The following BRWD1 variants were observed in gnomAD, a reference collection of about 807,000 sequenced individuals.
The protein encoded by BRWD1 is bromodomain and WD repeat domain containing 1.
In BRWD1, 82 loss-of-function variants were observed where a neutral mutation model predicts 251.2. The observed-to-expected ratio is 0.33, with a 90% confidence interval of 0.27 to 0.39. BRWD1 has a LOEUF of 0.39. BRWD1 is among the 10% of genes least tolerant of loss of function. BRWD1 has a pLI of 1.00. For synonymous variants in BRWD1, 918 were observed against 902.8 expected (o/e 1.02, Z -0.30); for missense variants, 2,233 against 2,711.6 (o/e 0.82, Z 3.92).
At chr21:39,266,641 G>C (rs1188265563) in intron 15 of BRWD1, among the ~76,000 whole-genome samples, 2 of 152,190 alleles carry the variant, frequency 1.3e-5, no homozygotes, top group South Asian at 2.1e-4. Context: ...GGAGGACTTG[G>C]GGTTTCACTT....
chr21:39,286,016 C>CTTTTTT lies in BRWD1; in HGVS notation c.832-5774_832-5769dup, dbSNP rs57151774. Among the ~76,000 whole-genome samples the CTTTTTT allele has an allele frequency of 4.1e-4, 43 of 104,770 alleles. 3 individuals carry two copies. Among genetic ancestry groups the CTTTTTT allele is most frequent in the East Asian group, 7.5e-4 (3 of 4,006 alleles). 68.7% of individuals were successfully genotyped at this position (104,770 alleles called of 152,430 possible). A position where few individuals can be genotyped will look rare whatever the true frequency, so the allele number is the denominator to read the frequency against. On this transcript the variant is annotated intron_variant, in intron 8 of 40. Coordinates refer to ENST00000342449, the MANE Select transcript of BRWD1 (RefSeq NM_033656.4). ...CATAACATAAAACTCACCATATGAA[C>CTTTTTT]TTTTTTTTTTTTTTTGAGTCAAGAG...
At chr21:39,214,328 T>C (rs1431392994) in intron 32 of BRWD1, among the ~76,000 whole-genome samples, 1 of 152,144 alleles carries the variant, frequency 6.6e-6, no homozygotes, top group South Asian at 2.1e-4. Flanking sequence ...TATTCACACG[T>C]ATACAAACAT....
At chr21:39,210,952 A>T in intron 34 of BRWD1, 23 bp from the exon 35 acceptor site, 1 of 1,603,946 alleles carries the variant, frequency 6.2e-7, no homozygotes, top group East Asian at 2.2e-5. Context: ...TCACAGTCTT[A>T]AGAAAAATCA....
chr21:39,318,546 G>A (rs1051662810), upstream of BRWD1, among the ~76,000 whole-genome samples: 1 of 152,156 alleles, frequency 6.6e-6, no homozygotes, highest in African/African-American at 2.4e-5. Context: ...AGCACCTAGA[G>A]GTGAAATTAA....
rs151121942 is a variant in BRWD1, at chr21:39,245,286, G to A, written c.2481+2415C>T. 9.6e-4 allele frequency among the ~76,000 whole-genome samples: 146 copies of A among 152,090 alleles called. 2 individuals carry two copies. The highest frequency in any genetic ancestry group is 3.4e-3 in the African/African-American group (140 of 41,514). ...TAAACAGATGGTTTTAATCATAATC[G>A]TAGCTAACATTATTGTGTATTAGGC... On this transcript the variant is annotated intron_variant, in intron 21 of 40. Transcript: ENST00000342449.
chr21:39,200,577 T>C, intron 38 of BRWD1, 191 bp from the exon 39 acceptor site: 1 of 414,138 alleles, frequency 2.4e-6, no homozygotes, highest in South Asian at 6.3e-5. Context: ...AAAAGGTACA[T>C]AATCAGCATT....
rs1398182828 is a variant in BRWD1, at chr21:39,193,575, A to G, written c.*2684T>C. ...TGTAAAACCATAAATGAATAAAACC[A>G]TAGGACTTTGGACATACACAACCAA... is the stretch of plus-strand genomic sequence containing the variant. On this transcript the variant is annotated 3_prime_UTR_variant, in exon 41 of 41. Coordinates refer to ENST00000342449, the MANE Select transcript of BRWD1 (RefSeq NM_033656.4). 2 of 985,498 alleles carry G rather than the reference A, an allele frequency of 2.0e-6. No homozygotes were observed. The highest frequency in any genetic ancestry group is 1.7e-5 in the African/African-American group (1 of 57,222). 61.0% of individuals were successfully genotyped at this position (985,498 alleles called of 1,614,324 possible).
At chr21:39,234,170 T>C (rs917177286) in intron 23 of BRWD1, among the ~76,000 whole-genome samples, 17 of 152,092 alleles carry the variant, frequency 1.1e-4, no homozygotes, top group African/African-American at 2.4e-5. Context: ...TATTTGGTTA[T>C]GATATATTAA....
intron 4 of BRWD1, among the ~76,000 whole-genome samples, chr21:39,310,287 G>A (rs145398074): frequency 0.02 from 3,100 of 151,772 alleles, 44 homozygotes; most frequent in Non-Finnish European, 0.033. Context: ...ACACAGAGGC[G>A]GGCAGATCAC....
chr21:39,313,166 C>A, intron 2 of BRWD1, 65 bp from the exon 3 acceptor site: 1 of 1,496,050 alleles, frequency 6.7e-7, no homozygotes, highest in Non-Finnish European at 8.9e-7. Context: ...TTCACCCCCG[C>A]CCACCACCCG....
At chr21:39,311,466 AT>A (rs2036481619) in intron 4 of BRWD1, among the ~76,000 whole-genome samples, 1 of 152,174 alleles carries the variant, frequency 6.6e-6, no homozygotes, top group South Asian at 2.1e-4. Context: ...CTATAAATGT[AT>A]TTTAAAAGTA....
intron 4 of BRWD1, among the ~76,000 whole-genome samples, chr21:39,302,264 G>A (rs1366769377): frequency 2.0e-5 from 3 of 151,894 alleles, no homozygotes; most frequent in African/African-American, 2.4e-5. Flanking sequence ...GATTACAGGC[G>A]TGAGCCACCA....
intron 25 of BRWD1, among the ~76,000 whole-genome samples, chr21:39,229,829 G>A (rs1044340235): frequency 1.3e-5 from 2 of 152,144 alleles, no homozygotes; most frequent in Admixed American, 6.6e-5. Context: ...AAACTCCTGA[G>A]CTCAATCAAT....
chr21:39,283,939 G>A (rs961947099), intron 8 of BRWD1, among the ~76,000 whole-genome samples: 3 of 151,976 alleles, frequency 2.0e-5, no homozygotes, highest in East Asian at 1.9e-4. Flanking sequence ...GTCTTCTTTG[G>A]CCTAGGATTT....
downstream of BRWD1, chr21:39,185,183 AGGATTT>A (rs1157023505): frequency 6.6e-6 from 1 of 151,686 alleles, no homozygotes; most frequent in African/African-American, 2.4e-5. Flanking sequence ...TAGCCAAAAA[AGGATTT>A]CATTATGCAA....
In BRWD1 at chr21:39,295,767, A is replaced by G; in HGVS notation, c.585T>C (p.Asp195=). 6.2e-7 allele frequency: 1 copy of G among 1,604,840 alleles called. No individual in the cohort carries two copies. Among genetic ancestry groups the G allele is most frequent in the African/African-American group, 1.3e-5 (1 of 74,758 alleles). Residue 195 remains aspartate, a synonymous_variant, in exon 7 of 41, where the codon GAT becomes GAC. Coordinates refer to ENST00000342449, the MANE Select transcript of BRWD1 (RefSeq NM_033656.4). ...HLSAVYCVAF[D]RTGHRIFTGS... ...CTGTAAAGATTCTATGTCCTGTCCT[A>G]TCAAATGCTACACAGTAAACAGCAG...
chr21:39,232,122 A>C (rs981563277), intron 25 of BRWD1, 55 bp downstream of exon 25: 1 of 1,300,586 alleles, frequency 7.7e-7, no homozygotes, highest in East Asian at 2.3e-5. Flanking sequence ...TTTGTAAGTA[A>C]TTTAACTATG....
chr21:39,252,249 C>CAAA (rs36017444), intron 19 of BRWD1, among the ~76,000 whole-genome samples: 6,996 of 122,008 alleles, frequency 0.057, 301 homozygotes, highest in African/African-American at 0.12. Context: ...AACTCCGTCT[C>CAAA]AAAAAAAAAA....
chr21:39,259,991 C>G (rs928313708), intron 17 of BRWD1, among the ~76,000 whole-genome samples: 1 of 152,130 alleles, frequency 6.6e-6, no homozygotes, highest in Non-Finnish European at 1.5e-5. Flanking sequence ...ACATTTCCAT[C>G]CTGCTACCTG....
Sources: gnomAD v4.1 joint callset for allele counts (sites outside exome capture counted in the v4.1 genomes callset) on GRCh38, gnomAD v4.1.1 for gene constraint, MANE v1.5 for transcripts, NCBI Gene and HGNC (gene_info 2026-07-23, HGNC 2026-07-21) for gene names.